ZFP90: variants seen among roughly 807,000 people sequenced by gnomAD.
ZFP90 encodes the protein ZFP90 zinc finger protein.
ZFP90 carries 38 observed loss-of-function variants against 60.8 expected under a neutral mutation model. The observed-to-expected ratio is 0.62, with a 90% CI of 0.48 to 0.82. ZFP90 has a LOEUF of 0.82. Among genes scored for constraint, ZFP90 ranks in the 40% least tolerant of loss-of-function variants. ZFP90 has a pLI of 0.00. For missense variants in ZFP90, 711 were observed against 759.1 expected, an observed-to-expected ratio of 0.94 and a Z score of 0.74; for synonymous variants, 287 against 264.8, an observed-to-expected ratio of 1.08 and a Z score of -0.82.
intron 2 of ZFP90, among the ~76,000 whole-genome samples, chr16:68,547,183 A>G (rs1252478022): frequency 1.3e-5 from 2 of 152,224 alleles, no homozygotes; most frequent in Non-Finnish European, 2.9e-5. Flanking sequence ...CGGAACCACC[A>G]TACTGTTTCC....
intron 2 of ZFP90, among the ~76,000 whole-genome samples, chr16:68,555,978 A>G (rs1200323834): frequency 2.0e-5 from 3 of 152,202 alleles, no homozygotes; most frequent in Non-Finnish European, 2.9e-5. Flanking sequence ...TGTCTTTGCC[A>G]TACTTTATTA....
At chr16:68,574,819 C>A (rs2152079618) in intron 2 of ZFP90, among the ~76,000 whole-genome samples, 1 of 150,338 alleles carries the variant, frequency 6.7e-6, no homozygotes, top group African/African-American at 2.4e-5. Flanking sequence ...AGCTACTTGG[C>A]AGACTGAGCC....
chr16:68,564,405 C>T lies in ZFP90; in HGVS notation c.1618C>T (p.Leu540Phe). The change falls in exon 5 of 5, where the codon CTT (leucine) becomes TTT (phenylalanine). Residue 540 changes from leucine (L) to phenylalanine (F), a missense_variant. Leu to Phe is a conservative substitution (Grantham distance 22). Around this residue, in one of 5 missense-constraint regions of ZFP90, gnomAD observed 295 missense variants for 274.0 expected, o/e 1.08. Transcript: ENST00000563169. ...CGEAFSRRSS[L>F]TQHERTHTGE... ...AGAAGCCTTTAGTCGACGCTCATCG[C>T]TTACTCAACATGAGAGAACCCACAC... The T allele has an allele frequency of 1.2e-6, 2 of 1,613,884 alleles. No homozygotes were observed. Among genetic ancestry groups the T allele is most frequent in the South Asian group, 2.2e-5 (2 of 91,054 alleles).
At chr16:68,535,947 C>T (rs192117645), upstream of ZFP90, among the ~76,000 whole-genome samples, 54 of 152,296 alleles carry the variant, frequency 3.5e-4, no homozygotes, top group East Asian at 8.3e-3. Flanking sequence ...TTGGAACACC[C>T]GGCTCTGCTT....
upstream of ZFP90, among the ~76,000 whole-genome samples, chr16:68,536,178 G>A (rs924063886): frequency 2.0e-5 from 3 of 152,194 alleles, no homozygotes; most frequent in Non-Finnish European, 2.9e-5. Context: ...ACCAGTGCAG[G>A]TTTTAAAACC....
At chr16:68,557,337 C>T (rs1269796936) in intron 2 of ZFP90, 17 of 449,268 alleles carry the variant, frequency 3.8e-5, no homozygotes, top group African/African-American at 2.2e-4. Context: ...ATTAATACGG[C>T]GAGGTGTTGT....
At chr16:68,569,153 T>TTTTC, downstream of ZFP90, among the ~76,000 whole-genome samples, 1 of 149,960 alleles carries the variant, frequency 6.7e-6, no homozygotes, top group South Asian at 2.2e-4. Flanking sequence ...TTTTTTTTTT[T>TTTTC]TGAGATGGAG....
downstream of ZFP90, among the ~76,000 whole-genome samples, chr16:68,570,424 C>T (rs1555500753): frequency 6.6e-6 from 1 of 152,220 alleles, no homozygotes; most frequent in Non-Finnish European, 1.5e-5. Flanking sequence ...CAAGTGAGCA[C>T]TTGTGGACAG....
At chr16:68,567,421 G>A (rs2091543980), downstream of ZFP90, among the ~76,000 whole-genome samples, 1 of 152,144 alleles carries the variant, frequency 6.6e-6, no homozygotes, top group Admixed American at 6.5e-5. Context: ...CCTAAATCAG[G>A]ATGTCCCTGG....
At chr16:68,539,662 C>A in intron 1 of ZFP90, 96 bp from the exon 2 acceptor site, 1 of 969,550 alleles carries the variant, frequency 1.0e-6, no homozygotes, top group Non-Finnish European at 1.4e-6. Flanking sequence ...CACCATCTCC[C>A]CTGGAGATGT....
chr16:68,539,618 A>T (rs2090999169), intron 1 of ZFP90, 139 bp downstream of exon 1: 2 of 617,836 alleles, frequency 3.2e-6, no homozygotes, highest in African/African-American at 4.1e-5. Context: ...GGGGATGGGG[A>T]GCGGCAGGCC....
chr16:68,549,678 C>CAAAAAA (rs35335958), intron 2 of ZFP90, among the ~76,000 whole-genome samples: 1,501 of 62,838 alleles, frequency 0.024, 183 homozygotes, highest in African/African-American at 0.11. Context: ...GACTCCATCT[C>CAAAAAA]AAAAAAAAAA....
At chr16:68,540,230 C>T (rs1448607577) in intron 2 of ZFP90, among the ~76,000 whole-genome samples, 1 of 152,002 alleles carries the variant, frequency 6.6e-6, no homozygotes, top group East Asian at 1.9e-4. Context: ...GACCCAGGGC[C>T]CATAGAGAGT....
At position 68,563,431 on chromosome 16, in the gene ZFP90, A is replaced by G. The variant is rs777783161; in HGVS notation, c.644A>G (p.Lys215Arg). Residue 215 changes from lysine to arginine, a missense_variant, in exon 5 of 5, where the codon AAA becomes AGA. This residue lies in a region of ZFP90 where 241 missense variants were observed against 247.6 expected (regional missense o/e 0.97). Coordinates refer to ENST00000563169, the MANE Select transcript of ZFP90 (RefSeq NM_001305203.2). ...LAKKKPYKCD[K>R]CRKAFIHRSS... ...AAAAAGAAACCCTATAAGTGTGATAAATGTAGAAAAGCCTTTATTCATAGA... is the reference window on the plus strand; with the variant it reads ...AAAAAGAAACCCTATAAGTGTGATAGATGTAGAAAAGCCTTTATTCATAGA... 1.8e-5 allele frequency: 29 copies of G among 1,613,196 alleles called. 2 individuals are homozygous for G. The South Asian group carries it at 3.2e-4, about 18-fold the overall frequency.
chr16:68,548,304 T>G (rs1190925780), intron 2 of ZFP90, among the ~76,000 whole-genome samples: 1 of 152,156 alleles, frequency 6.6e-6, no homozygotes. Flanking sequence ...GACTCAGGAT[T>G]TTTATAGACA....
At chr16:68,536,959 T>C (rs892480782), upstream of ZFP90, among the ~76,000 whole-genome samples, 1 of 152,176 alleles carries the variant, frequency 6.6e-6, no homozygotes, top group Non-Finnish European at 1.5e-5. Flanking sequence ...CTACCTGCCC[T>C]ACCTCTGCTC....
intron 2 of ZFP90, among the ~76,000 whole-genome samples, chr16:68,540,781 G>A (rs1189370161): frequency 8.7e-6 from 1 of 115,232 alleles, no homozygotes; most frequent in Non-Finnish European, 1.6e-5. Context: ...AGACCAGCCT[G>A]GGCAACATAG....
chr16:68,573,160 AAGG>A (rs1221586165), intron 2 of ZFP90, among the ~76,000 whole-genome samples: 5 of 152,220 alleles, frequency 3.3e-5, no homozygotes, highest in Non-Finnish European at 5.9e-5. Flanking sequence ...AGCTCCTGGG[AAGG>A]AGGACAAGTG....
chr16:68,535,498 T>C (rs904199816), upstream of ZFP90: 1 of 152,162 alleles, frequency 6.6e-6, no homozygotes, highest in Non-Finnish European at 1.5e-5. Context: ...TACAGGACTA[T>C]GAAAAACAAA....
Sources: gnomAD v4.1 joint callset for allele counts (sites outside exome capture counted in the v4.1 genomes callset) on GRCh38, gnomAD v4.1.1 for gene constraint, gnomAD v4.1.1 regional missense constraint, MANE v1.5 for transcripts, NCBI Gene and HGNC (gene_info 2026-07-23, HGNC 2026-07-21) for gene names.